RYR1: variants seen among roughly 807,000 people sequenced by gnomAD.
RYR1 encodes central core disease of muscle.
Under a neutral mutation model 583.5 loss-of-function variants are expected in RYR1, and 342 were observed. That is an observed-to-expected ratio of 0.59 (90% confidence interval 0.54 to 0.64). RYR1 has a LOEUF of 0.64. RYR1 is among the 30% of genes least tolerant of loss of function. The pLI is 0.00. For missense variants in RYR1, 6,032 were observed against 6,917.2 expected (o/e 0.87, Z 4.54); for synonymous variants, 2,791 against 2,822.5 (o/e 0.99, Z 0.35).
chr19:38,442,005 A>C (rs1972710203), intron 2 of RYR1, among the ~76,000 whole-genome samples: 1 of 151,514 alleles, frequency 6.6e-6, no homozygotes, highest in Admixed American at 6.6e-5. Context: ...TCCTTGGAGC[A>C]GGGTCAGTGT....
At chr19:38,562,338 A>C (rs1328789592) in intron 90 of RYR1, among the ~76,000 whole-genome samples, 1 of 151,904 alleles carries the variant, frequency 6.6e-6, no homozygotes, top group Non-Finnish European at 1.5e-5. Context: ...GCATGTCCCC[A>C]GCAGAGCTGG....
rs185508019 is a variant in RYR1 at position 38,456,868 on chromosome 19, A to T, written c.1792-629A>T. 5.4e-4 allele frequency among the ~76,000 whole-genome samples: 82 copies of T among 151,052 alleles called. 2 individuals carry two copies. Among genetic ancestry groups the T allele is most frequent in the African/African-American group, 1.9e-3 (80 of 41,292 alleles). On this transcript the variant is annotated intron_variant, in intron 16 of 105. Coordinates refer to ENST00000359596, the MANE Select transcript of RYR1 (RefSeq NM_000540.3). ...GAGACCATCCTGGCTAATGCGGTGA[A>T]ACCCTGTCTCTACTAAAAATACAAA...
In RYR1 at chr19:38,502,508, C is replaced by G. The variant is rs761057071; in HGVS notation, c.7616C>G (p.Ala2539Gly). 4.4e-6 allele frequency: 7 copies of G among 1,585,762 alleles called. No individual in the cohort carries two copies. The highest frequency in any genetic ancestry group is 1.7e-4 in the Middle Eastern group (1 of 5,976). ...TGATGTCCTCACCCTGCGCCCTAGG[C>G]CACTTTCAGCACCACCGAGATGGCG... ...DMRAAASLDTATFSTTEMALA... is the reference protein window; with the variant it reads ...DMRAAASLDTGTFSTTEMALA... The change falls in exon 48 of 106, where the codon GCC (alanine) becomes GGC (glycine). Residue 2539 changes from alanine to glycine, a missense_variant and splice_region_variant. Around this residue, in one of 11 missense-constraint regions of RYR1, gnomAD observed 250 missense variants for 162.3 expected, o/e 1.54. Transcript: ENST00000359596.
Position 38,519,269 on chromosome 19 carries a change from C to T in RYR1, c.10074C>T (p.Phe3358=). The part of the protein sequence containing the change: ...RARPELLQSH[F]IPTIGRLRKR... Reference sequence around the variant, plus strand: ...GGCCGGAGCTCCTGCAGTCCCACTTCATCCCAACTATCGGGCGGCTGCGCA... The same window carrying T: ...GGCCGGAGCTCCTGCAGTCCCACTTTATCCCAACTATCGGGCGGCTGCGCA... Residue 3358 remains phenylalanine, a synonymous_variant, in exon 67 of 106, where the codon TTC becomes TTT. Transcript: ENST00000359596. 6.2e-7 allele frequency: 1 copy of T among 1,614,152 alleles called. No homozygotes were observed. The highest frequency in any genetic ancestry group is 8.5e-7 in the Non-Finnish European group (1 of 1,180,022).
At position 38,509,613 on chromosome 19, in the gene RYR1, G is replaced by A. The variant is rs141608654; in HGVS notation, c.8933-885G>A. Among the ~76,000 whole-genome samples, 1,379 of 151,826 alleles carry A rather than the reference G, an allele frequency of 9.1e-3. 23 individuals are homozygous for A. Among genetic ancestry groups the A allele is most frequent in the African/African-American group, 0.032 (1,319 of 41,426 alleles). Reference sequence around the variant, plus strand: ...ACTACAGGCGCCTGCCACCATGCCCGGTTAATTTTTTGTGTTTGTATTTTT... The same window carrying A: ...ACTACAGGCGCCTGCCACCATGCCCAGTTAATTTTTTGTGTTTGTATTTTT... On this transcript the variant is annotated intron_variant, in intron 58 of 105. Coordinates refer to ENST00000359596, the MANE Select transcript of RYR1 (RefSeq NM_000540.3).
intron 70 of RYR1, 43 bp from the exon 71 acceptor site, chr19:38,525,289 G>A: frequency 1.9e-6 from 3 of 1,613,078 alleles, no homozygotes; most frequent in Non-Finnish European, 2.5e-6. Context: ...GCTGAGGCAT[G>A]GGATTGGGGC....
chr19:38,479,430 C>T (rs1048531085), intron 31 of RYR1, among the ~76,000 whole-genome samples: 3 of 152,100 alleles, frequency 2.0e-5, no homozygotes, highest in African/African-American at 7.2e-5. Flanking sequence ...TATTTTGAGA[C>T]AGGGCCTCAC....
At chr19:38,538,060 A>C in intron 84 of RYR1, 100 bp downstream of exon 84, 1 of 1,073,142 alleles carries the variant, frequency 9.3e-7, no homozygotes, top group Non-Finnish European at 1.4e-6. Flanking sequence ...CCCCCGGTCA[A>C]TGATGGCCAC....
In RYR1 at chr19:38,463,761, C is replaced by G. The variant is rs201401814; in HGVS notation, c.2697C>G (p.Asn899Lys). 1.9e-6 allele frequency: 3 copies of G among 1,614,112 alleles called. No individual in the cohort carries two copies. Among genetic ancestry groups the G allele is most frequent in the Non-Finnish European group, 2.5e-6 (3 of 1,180,016 alleles). ...GWTYGPVRDD[N>K]KRLHPCLVDF... ...GTTTTCTCCAGGTTCGGGATGACAACAAGAGGCTGCACCCGTGTCTTGTGG... is the reference window on the plus strand; with the variant it reads ...GTTTTCTCCAGGTTCGGGATGACAAGAAGAGGCTGCACCCGTGTCTTGTGG... The change falls in exon 22 of 106, where the codon AAC (asparagine) becomes AAG (lysine). Residue 899 changes from asparagine (N) to lysine (K), a missense_variant. Physicochemically the swap from Asn to Lys is moderately conservative, Grantham distance 94 (BLOSUM62 0). This residue lies in a region of RYR1 where 2,627 missense variants were observed against 2,961.3 expected (regional missense o/e 0.89). Coordinates refer to ENST00000359596, the MANE Select transcript of RYR1 (RefSeq NM_000540.3).
At chr19:38,471,020 G>A (rs1968393873) in intron 27 of RYR1, among the ~76,000 whole-genome samples, 1 of 152,248 alleles carries the variant, frequency 6.6e-6, no homozygotes, top group African/African-American at 2.4e-5. Context: ...ACAGCCATGT[G>A]GACGAATCTC....
At chr19:38,463,676 G>A in intron 21 of RYR1, 71 bp from the exon 22 acceptor site, 1 of 1,517,414 alleles carries the variant, frequency 6.6e-7, no homozygotes, top group South Asian at 1.1e-5. Flanking sequence ...GAGGTCAGGG[G>A]TCATAGTCTG....
intron 65 of RYR1, among the ~76,000 whole-genome samples, chr19:38,516,713 GTTCA>G (rs888661435): frequency 6.6e-5 from 10 of 152,096 alleles, no homozygotes; most frequent in African/African-American, 2.2e-4. Context: ...GGAAGGCAGG[GTTCA>G]TTCATTCATT....
chr19:38,547,823 C>T (rs991972531), intron 88 of RYR1, among the ~76,000 whole-genome samples: 2 of 151,750 alleles, frequency 1.3e-5, no homozygotes, highest in African/African-American at 2.4e-5. Context: ...AAGCAATTCT[C>T]GTGCCTCAGC....
intron 76 of RYR1, among the ~76,000 whole-genome samples, chr19:38,532,011 C>T (rs928214787): frequency 3.9e-5 from 6 of 152,194 alleles, no homozygotes; most frequent in African/African-American, 1.4e-4. Flanking sequence ...GATAAAAGTC[C>T]TCATCGGCCA....
Position 38,461,721 on chromosome 19 carries a change from G to GAAA in RYR1, c.2577+1147_2577+1149dup, listed in dbSNP as rs34209906. Among the ~76,000 whole-genome samples the GAAA allele has an allele frequency of 5.0e-3, 375 of 75,072 alleles. 5 individuals are homozygous for GAAA. Among genetic ancestry groups the GAAA allele is most frequent in the African/African-American group, 0.019 (354 of 18,734 alleles). 49.3% of individuals were successfully genotyped at this position (75,072 alleles called of 152,430 possible). ...AGCCTGGGTGACAGAGCAAAACCCT[G>GAAA]AAAAAAAAAAAAAAAAAAAGAAAGG... On this transcript the variant is annotated intron_variant, in intron 20 of 105. Coordinates refer to ENST00000359596, the MANE Select transcript of RYR1 (RefSeq NM_000540.3).
intron 3 of RYR1, 66 bp downstream of exon 3, chr19:38,442,519 G>C (rs1283247260): frequency 2.6e-5 from 31 of 1,187,506 alleles, no homozygotes; most frequent in Middle Eastern, 2.5e-4. Flanking sequence ...GGGTCGTTTA[G>C]GGCACGGTGG....
intron 60 of RYR1, 118 bp downstream of exon 60, chr19:38,510,899 G>A (rs541351755): frequency 1.2e-5 from 18 of 1,449,332 alleles, no homozygotes; most frequent in African/African-American, 9.8e-5. Context: ...CTGCAAAGGC[G>A]ATTGAAGGGT....
At chr19:38,474,564 CTTTTTTTTTTTT>C (rs970000046) in intron 28 of RYR1, among the ~76,000 whole-genome samples, 27 of 88,228 alleles carry the variant, frequency 3.1e-4, no homozygotes, top group East Asian at 8.2e-4. Flanking sequence ...CGCCCGGCTC[CTTTTTTTTTTTT>C]TTTTTTTTTT....
intron 66 of RYR1, among the ~76,000 whole-genome samples, chr19:38,518,377 T>G (rs941837105): frequency 5.8e-4 from 77 of 133,012 alleles, no homozygotes; most frequent in Non-Finnish European, 6.1e-4. Flanking sequence ...CTGGGCAACA[T>G]GGTGAAACCT....
Sources: allele counts gnomAD v4.1 joint callset (sites outside exome capture counted in the v4.1 genomes callset), GRCh38; gene constraint gnomAD v4.1.1; regional missense constraint gnomAD v4.1.1; transcripts MANE v1.5; gene names NCBI Gene and HGNC (gene_info 2026-07-23, HGNC 2026-07-21).